The following DIS3L2 variants were observed in gnomAD, a reference collection of about 807,000 sequenced individuals.
The protein encoded by DIS3L2 is DIS3 like 3'-5' exoribonuclease 2.
Under a neutral mutation model 97.5 loss-of-function variants are expected in DIS3L2, and 34 were observed. That is an observed-to-expected ratio of 0.35 (90% CI 0.27 to 0.46). The LOEUF is 0.46. Ranked by LOEUF, DIS3L2 falls within the 20% of genes least tolerant of loss-of-function variation. The pLI, the probability that DIS3L2 is intolerant of heterozygous loss-of-function variation, is 1.00. For synonymous variants in DIS3L2, 435 were observed against 445.2 expected, an observed-to-expected ratio of 0.98 and a Z score of 0.29; for missense variants, 1,038 against 1,146.0, an observed-to-expected ratio of 0.91 and a Z score of 1.36.
At chr2:232,139,092 T>C (rs2106357625) in intron 8 of DIS3L2, among the ~76,000 whole-genome samples, 1 of 152,302 alleles carries the variant, frequency 6.6e-6, no homozygotes, top group East Asian at 1.9e-4. Flanking sequence ...TTCTAAGAAG[T>C]GTAATCCCAC....
rs569807505 is a variant in DIS3L2 at position 232,284,063 on chromosome 2, G to GT, written c.1660-15967dup. On this transcript the variant is annotated intron_variant, in intron 13 of 20. Coordinates refer to ENST00000325385, the MANE Select transcript of DIS3L2 (RefSeq NM_152383.5). ...ATTATCTCAGAATAAAAAGTGGGTTGTTTTTTTTTTAATTCCTCTGTGTGC... is the reference window on the plus strand; with the variant it reads ...ATTATCTCAGAATAAAAAGTGGGTTGTTTTTTTTTTTAATTCCTCTGTGTGC... Among the ~76,000 whole-genome samples, 600 of 148,984 alleles carry GT rather than the reference G, an allele frequency of 4.0e-3. 2 individuals carry two copies. Among genetic ancestry groups the GT allele is most frequent in the Non-Finnish European group, 6.1e-3 (408 of 66,892 alleles).
intron 1 of DIS3L2, among the ~76,000 whole-genome samples, chr2:231,994,062 G>T (rs114135704): frequency 1.3e-5 from 2 of 148,508 alleles, no homozygotes; most frequent in Admixed American, 1.3e-4. Context: ...TGAGGCAAAG[G>T]TCAAGATTTT....
chr2:232,108,912 G>A (rs1431486317), intron 6 of DIS3L2, among the ~76,000 whole-genome samples: 5 of 152,032 alleles, frequency 3.3e-5, no homozygotes, highest in South Asian at 2.1e-4. Flanking sequence ...CAGAGATGAC[G>A]CAAACAAAGG....
At chr2:232,312,951 A>T (rs865911429) in intron 14 of DIS3L2, among the ~76,000 whole-genome samples, 3 of 152,212 alleles carry the variant, frequency 2.0e-5, no homozygotes, top group South Asian at 2.1e-4. Flanking sequence ...TTTATTTATT[A>T]GGTTCAAATA....
At chr2:232,299,891 C>G in intron 13 of DIS3L2, 149 bp from the exon 14 acceptor site, 1 of 653,032 alleles carries the variant, frequency 1.5e-6, no homozygotes, top group Non-Finnish European at 2.7e-6. Flanking sequence ...AAGGTGTGGG[C>G]TCTTCCCAGA....
At chr2:232,221,043 A>G (rs1692491184) in intron 10 of DIS3L2, among the ~76,000 whole-genome samples, 1 of 145,136 alleles carries the variant, frequency 6.9e-6, no homozygotes, top group African/African-American at 2.6e-5. Flanking sequence ...CGGAGGCTAC[A>G]GTGAGCCAAG....
intron 3 of DIS3L2, among the ~76,000 whole-genome samples, chr2:232,016,553 G>A (rs780391210): frequency 3.3e-5 from 5 of 152,060 alleles, no homozygotes; most frequent in Non-Finnish European, 4.4e-5. Context: ...GGTCTAGTTT[G>A]GGCCTATCAG....
At chr2:232,195,468 A>C (rs1691727386) in intron 9 of DIS3L2, among the ~76,000 whole-genome samples, 1 of 150,896 alleles carries the variant, frequency 6.6e-6, no homozygotes, top group South Asian at 2.1e-4. Context: ...GGGAATGGGG[A>C]ATGCTGGTTG....
At chr2:232,224,445 G>T (rs1257252193) in intron 10 of DIS3L2, among the ~76,000 whole-genome samples, 1 of 152,148 alleles carries the variant, frequency 6.6e-6, no homozygotes, top group Non-Finnish European at 1.5e-5. Context: ...TGTAGGCAAA[G>T]ATTTTTTAAG....
intron 16 of DIS3L2, chr2:232,331,750 C>T (rs974323103): frequency 2.0e-5 from 3 of 152,286 alleles, no homozygotes; most frequent in African/African-American, 7.2e-5. Flanking sequence ...GGGGCCCCTC[C>T]CATGTCCCTG....
At chr2:231,966,173 T>C (rs1692707528) in intron 1 of DIS3L2, among the ~76,000 whole-genome samples, 1 of 142,728 alleles carries the variant, frequency 7.0e-6, no homozygotes, top group African/African-American at 2.6e-5. Flanking sequence ...TTCTTCTTCT[T>C]TTTTTTTTTT....
intron 13 of DIS3L2, among the ~76,000 whole-genome samples, chr2:232,271,308 A>G (rs1043528076): frequency 1.3e-5 from 2 of 152,180 alleles, no homozygotes; most frequent in Non-Finnish European, 2.9e-5. Flanking sequence ...TAACTTCACT[A>G]GTCTTTTCTC....
chr2:232,094,195 T>G (rs576029453), intron 6 of DIS3L2, among the ~76,000 whole-genome samples: 84 of 152,346 alleles, frequency 5.5e-4, no homozygotes, highest in Middle Eastern at 3.4e-3. Flanking sequence ...TTATACTATT[T>G]CAGTTTTTTT....
chr2:232,107,949 G>C (rs1424380353), intron 6 of DIS3L2, among the ~76,000 whole-genome samples: 1 of 152,098 alleles, frequency 6.6e-6, no homozygotes, highest in Non-Finnish European at 1.5e-5. Context: ...TGGATTTATA[G>C]CTGAATTCTA....
At chr2:232,333,773 TGCCAGCCTTCCAGGCCTGGCTGG>T in intron 16 of DIS3L2, 44 bp from the exon 17 acceptor site, 1 of 1,526,194 alleles carries the variant, frequency 6.6e-7, no homozygotes, top group Non-Finnish European at 8.8e-7. Context: ...CTGTGGGTGG[TGCCAGCCTTCCAGGCCTGGCTGG>T]GCAGCTCTGG....
At chr2:232,303,845 C>G (rs1262543187) in intron 14 of DIS3L2, among the ~76,000 whole-genome samples, 1 of 152,174 alleles carries the variant, frequency 6.6e-6, no homozygotes, top group Non-Finnish European at 1.5e-5. Context: ...TCATCCTGTT[C>G]TCCTTTCACA....
intron 12 of DIS3L2, among the ~76,000 whole-genome samples, chr2:232,258,986 G>T (rs1559179005): frequency 6.6e-6 from 1 of 152,126 alleles, no homozygotes; most frequent in Non-Finnish European, 1.5e-5. Flanking sequence ...TACATGTCAG[G>T]TGTGACTCCC....
At chr2:232,288,855 C>A (rs1472948547) in intron 13 of DIS3L2, among the ~76,000 whole-genome samples, 1 of 152,130 alleles carries the variant, frequency 6.6e-6, no homozygotes, top group Non-Finnish European at 1.5e-5. Flanking sequence ...TTTATATATA[C>A]CCTCATCTGT....
intron 10 of DIS3L2, among the ~76,000 whole-genome samples, chr2:232,231,109 C>G (rs1228283630): frequency 6.6e-6 from 1 of 152,114 alleles, no homozygotes; most frequent in African/African-American, 2.4e-5. Flanking sequence ...TCTAAGTAAT[C>G]TTGTCATTTG....
Sources: allele counts gnomAD v4.1 joint callset (sites outside exome capture counted in the v4.1 genomes callset), GRCh38; gene constraint gnomAD v4.1.1; transcripts MANE v1.5; gene names NCBI Gene and HGNC (gene_info 2026-07-23, HGNC 2026-07-21).